CNTLN: variants seen among roughly 807,000 people sequenced by gnomAD.
CNTLN encodes the protein centlein, centrosomal protein.
In CNTLN, 212 loss-of-function variants were observed where a neutral mutation model predicts 180.0. The observed-to-expected ratio is 1.18, with a 90% CI of 1.05 to 1.32. CNTLN has a LOEUF of 1.32. CNTLN is among the 40% of genes most tolerant of loss of function. CNTLN has a pLI of 0.00. For missense variants in CNTLN, 2,095 were observed against 1,610.9 expected (o/e 1.30, Z -5.14); for synonymous variants, 722 against 563.1 (o/e 1.28, Z -3.99).
intron 10 of CNTLN, among the ~76,000 whole-genome samples, chr9:17,333,682 T>A (rs1318571350): frequency 3.9e-5 from 6 of 152,234 alleles, no homozygotes; most frequent in Non-Finnish European, 8.8e-5. Context: ...TTTTAGTTTA[T>A]GTTTATTCAT....
At chr9:17,507,182 A>C (rs1257309788), downstream of CNTLN, among the ~76,000 whole-genome samples, 6 of 152,034 alleles carry the variant, frequency 3.9e-5, no homozygotes, top group South Asian at 1.2e-3. Flanking sequence ...TATTGTTTCC[A>C]TCTTTGTATT....
chr9:17,298,390 T>A (rs749893485), intron 7 of CNTLN, 38 bp downstream of exon 7: 27 of 1,518,618 alleles, frequency 1.8e-5, no homozygotes, highest in Non-Finnish European at 2.3e-5. Flanking sequence ...TAAATGTTTA[T>A]GTATGAACTT....
rs1369658538 is a variant in CNTLN, at chr9:17,236,475, G to A, written c.736G>A (p.Glu246Lys). Residue 246 changes from glutamate (E) to lysine (K), a missense_variant, in exon 5 of 26, where the codon GAA (glutamate) becomes AAA (lysine). Coordinates refer to ENST00000380647, the MANE Select transcript of CNTLN (RefSeq NM_017738.4). ...NRLVIKNLEE[E>K]NKKLSTRCTD... ...ACTAGTTATAAAAAATCTGGAGGAG[G>A]AAAACAAGAAATTAAGTACCCGCTG... 1.9e-6 allele frequency: 3 copies of A among 1,613,666 alleles called. No individual in the cohort carries two copies. Among genetic ancestry groups the A allele is most frequent in the Non-Finnish European group, 2.5e-6 (3 of 1,179,714 alleles).
rs188802490 is a variant in CNTLN at position 17,376,352 on chromosome 9, A to G, written c.1987+9635A>G. On this transcript the variant is annotated intron_variant, in intron 13 of 25. Transcript: ENST00000380647. ...TTCGAGCAGTAAGAAAGAAAAAAGAAGAAAGCAAAGAAAAAACTAGTTCAC... is the reference window on the plus strand; with the variant it reads ...TTCGAGCAGTAAGAAAGAAAAAAGAGGAAAGCAAAGAAAAAACTAGTTCAC... Among the ~76,000 whole-genome samples the G allele has an allele frequency of 5.2e-3, 788 of 152,306 alleles. 5 individuals are homozygous for G. Among genetic ancestry groups the G allele is most frequent in the Admixed American group, 8.2e-3 (126 of 15,304 alleles).
intron 2 of CNTLN, among the ~76,000 whole-genome samples, chr9:17,164,173 A>G (rs573304038): frequency 4.6e-5 from 7 of 151,592 alleles, no homozygotes; most frequent in Admixed American, 1.3e-4. Context: ...TTAAACTGGC[A>G]TGGTGTCGCG....
At chr9:17,248,669 G>A (rs139259067) in intron 5 of CNTLN, among the ~76,000 whole-genome samples, 1 of 145,828 alleles carries the variant, frequency 6.9e-6, no homozygotes, top group Non-Finnish European at 1.5e-5. Context: ...GCTGTTTTAT[G>A]TATATAGAGA....
intron 2 of CNTLN, among the ~76,000 whole-genome samples, chr9:17,212,265 G>A (rs1823376965): frequency 6.6e-6 from 1 of 152,166 alleles, no homozygotes. Flanking sequence ...TTAGCATGAA[G>A]TGTTGTTGAA....
intron 5 of CNTLN, among the ~76,000 whole-genome samples, chr9:17,267,814 C>T (rs1258287070): frequency 2.6e-5 from 4 of 152,212 alleles, no homozygotes; most frequent in African/African-American, 7.2e-5. Context: ...GATACCCTTT[C>T]TTCCAGTTGA....
At chr9:17,172,696 A>G (rs1693871163) in intron 2 of CNTLN, among the ~76,000 whole-genome samples, 2 of 152,182 alleles carry the variant, frequency 1.3e-5, no homozygotes, top group African/African-American at 2.4e-5. Context: ...CCTAATTTAA[A>G]AAAAGGGAAA....
chr9:17,201,882 G>C (rs911733618), intron 2 of CNTLN, among the ~76,000 whole-genome samples: 6 of 151,750 alleles, frequency 4.0e-5, no homozygotes, highest in Non-Finnish European at 8.8e-5. Context: ...GCTAACTTTT[G>C]AATTTGTTTG....
intron 2 of CNTLN, among the ~76,000 whole-genome samples, chr9:17,197,363 TG>T (rs1218602966): frequency 1.3e-5 from 2 of 152,220 alleles, no homozygotes; most frequent in Non-Finnish European, 2.9e-5. Context: ...ATTGTCATTT[TG>T]ATTTGCATTT....
chr9:17,180,927 C>T (rs982971308), intron 2 of CNTLN, among the ~76,000 whole-genome samples: 2 of 152,098 alleles, frequency 1.3e-5, no homozygotes, highest in African/African-American at 4.8e-5. Flanking sequence ...TCATCTGAAT[C>T]ATTGTTTTTA....
At chr9:17,135,515 C>G in intron 1 of CNTLN, 90 bp downstream of exon 1, 2 of 1,435,724 alleles carry the variant, frequency 1.4e-6, no homozygotes, top group Non-Finnish European at 1.8e-6. Context: ...GCCTTGGGAC[C>G]TACCCCGCCC....
intron 3 of CNTLN, among the ~76,000 whole-genome samples, chr9:17,231,692 C>A (rs984590390): frequency 1.6e-4 from 25 of 152,044 alleles, no homozygotes; most frequent in African/African-American, 5.5e-4. Context: ...TTAATTACTG[C>A]TTTGTTTGTT....
At chr9:17,224,905 G>C (rs1168590838) in intron 2 of CNTLN, among the ~76,000 whole-genome samples, 1 of 151,510 alleles carries the variant, frequency 6.6e-6, no homozygotes, top group Non-Finnish European at 1.5e-5. Flanking sequence ...TTTTTTGTTT[G>C]GGGTCATATC....
chr9:17,273,968 G>A (rs1025749992), intron 6 of CNTLN, 102 bp downstream of exon 6: 3 of 895,296 alleles, frequency 3.4e-6, no homozygotes, highest in Non-Finnish European at 5.0e-6. Context: ...TAATAACTAT[G>A]TTTTCTGTGG....
At chr9:17,208,145 T>C (rs1178810985) in intron 2 of CNTLN, among the ~76,000 whole-genome samples, 2 of 152,210 alleles carry the variant, frequency 1.3e-5, no homozygotes, top group African/African-American at 2.4e-5. Context: ...GTTTCTTTTA[T>C]ACTCAGGTTT....
intron 2 of CNTLN, among the ~76,000 whole-genome samples, chr9:17,204,014 T>C (rs1475172149): frequency 6.6e-6 from 1 of 152,210 alleles, no homozygotes; most frequent in African/African-American, 2.4e-5. Flanking sequence ...CTCCATCAGG[T>C]CATTTATGTT....
intron 14 of CNTLN, 43 bp downstream of exon 14, chr9:17,388,296 G>T (rs1587854116): frequency 4.0e-6 from 5 of 1,265,690 alleles, no homozygotes; most frequent in Admixed American, 1.8e-5. Context: ...AGTTAAATCT[G>T]AATTTTAACA....
Sources: gnomAD v4.1 joint callset for allele counts (sites outside exome capture counted in the v4.1 genomes callset) on GRCh38, gnomAD v4.1.1 for gene constraint, MANE v1.5 for transcripts, NCBI Gene and HGNC (gene_info 2026-07-23, HGNC 2026-07-21) for gene names.